The following MINK1 variants were observed in gnomAD, a reference collection of about 807,000 sequenced individuals.
The protein encoded by MINK1 is misshapen like kinase 1.
Under a neutral mutation model 178.4 loss-of-function variants are expected in MINK1, and 46 were observed. The observed-to-expected ratio is 0.26, with a 90% CI of 0.20 to 0.33. MINK1 has a LOEUF of 0.33. MINK1 is among the 10% of genes least tolerant of loss of function. The probability of loss-of-function intolerance (pLI) is 1.00; values close to 1 mark genes in which losing one functional copy is unlikely to be tolerated. For missense variants in MINK1, 1,366 were observed against 1,814.9 expected, an observed-to-expected ratio of 0.75 and a Z score of 4.49; for synonymous variants, 797 against 709.7, an observed-to-expected ratio of 1.12 and a Z score of -1.96.
In MINK1 at chr17:4,895,702, A is replaced by G. The variant is rs979164199; in HGVS notation, c.3234A>G (p.Lys1078=). 4.3e-6 allele frequency: 7 copies of G among 1,613,176 alleles called. No homozygotes were observed. In the South Asian group the frequency reaches 5.5e-5, roughly 13 times the overall value. Residue 1078 remains lysine (K), a synonymous_variant, in exon 27 of 32, where the codon AAA becomes AAG. Coordinates refer to ENST00000355280, the MANE Select transcript of MINK1 (RefSeq NM_153827.5). This position sits in a 1 kb window ranked among gnomAD's most constrained non-coding sequence, Gnocchi z 4.3. ...GTATGTCTGTCCGTCCCTCAGGGAAAAGGAACAAACTGCGGGTGTATTACC... is the reference window on the plus strand; with the variant it reads ...GTATGTCTGTCCGTCCCTCAGGGAAGAGGAACAAACTGCGGGTGTATTACC... The part of the protein sequence containing the change: ...GLNLLITISG[K]RNKLRVYYLS...
rs372330493 is a variant in MINK1, at chr17:4,855,752, A to G, written c.57+22112A>G. On this transcript the variant is annotated intron_variant, in intron 1 of 31. Coordinates refer to ENST00000355280, the MANE Select transcript of MINK1 (RefSeq NM_153827.5). ...GCCACTGCACTCCAGCCTGGGCGAC[A>G]GAGCAAGACTCCGTCTCAAAAAAAA... 3.0e-3 allele frequency among the ~76,000 whole-genome samples: 442 copies of G among 147,634 alleles called. 6 individuals carry two copies. Among genetic ancestry groups the G allele is most frequent in the East Asian group, 0.017 (88 of 5,044 alleles).
intron 1 of MINK1, among the ~76,000 whole-genome samples, chr17:4,848,650 G>A (rs57408017): frequency 0.1 from 15,856 of 152,092 alleles, 1,616 homozygotes; most frequent in East Asian, 0.52. Flanking sequence ...GTGAGCCACC[G>A]CGCCTGGCCT....
At chr17:4,871,023 C>A in intron 1 of MINK1, 5 of 328,518 alleles carry the variant, frequency 1.5e-5, no homozygotes, top group South Asian at 1.1e-4. Context: ...CTTCTCATCT[C>A]TTTAGACTTG....
rs1188384769 is a variant in MINK1 at position 4,886,044 on chromosome 17, C to G, written c.695-76C>G. 1 of 1,609,274 alleles carries G rather than the reference C, an allele frequency of 6.2e-7. No individual in the cohort carries two copies. The highest frequency in any genetic ancestry group is 8.5e-7 in the Non-Finnish European group (1 of 1,175,924). On this transcript the variant is annotated intron_variant, in intron 8 of 31. Transcript: ENST00000355280. The surrounding 1 kb of genome is among the most constrained non-coding windows in gnomAD (Gnocchi z 6.1). ...AGTGGCTGTAGGGAGGAGGTGGGTC[C>G]TGGGACCCTGCCGAGGAAGGGTCCT...
chr17:4,895,296 G>T lies in MINK1; in HGVS notation c.3085+54G>T. 6.2e-7 allele frequency: 1 copy of T among 1,608,940 alleles called. No homozygotes were observed. The highest frequency in any genetic ancestry group is 8.5e-7 in the Non-Finnish European group (1 of 1,176,374). On this transcript the variant is annotated intron_variant, in intron 25 of 31. Transcript: ENST00000355280. This position sits in a 1 kb window ranked among gnomAD's most constrained non-coding sequence, Gnocchi z 4.3. Reference sequence around the variant, plus strand: ...GCTCTGGCGTGGCTCTTGTGCTCCTGGTTAGGTGAGGGCCTGGCTGAGCCT... The same window carrying T: ...GCTCTGGCGTGGCTCTTGTGCTCCTTGTTAGGTGAGGGCCTGGCTGAGCCT...
chr17:4,871,277 C>T lies in MINK1; in HGVS notation c.58-7040C>T, dbSNP rs1028826373. On this transcript the variant is annotated intron_variant, in intron 1 of 31. Coordinates refer to ENST00000355280, the MANE Select transcript of MINK1 (RefSeq NM_153827.5). ...GCTATCATAGGTCACTACTGCCTTC[C>T]GCTCCTGGGCTCAAGGGATCCTTCC... 1.3e-4 allele frequency among the ~76,000 whole-genome samples: 19 copies of T among 150,298 alleles called. No homozygotes were observed. The South Asian group carries it at 1.9e-3, about 15-fold the overall frequency.
chr17:4,893,992 G>C lies in MINK1; in HGVS notation c.2569G>C (p.Asp857His), dbSNP rs375818535. 4 of 1,577,408 alleles carry C rather than the reference G, an allele frequency of 2.5e-6. No individual in the cohort carries two copies. The highest frequency in any genetic ancestry group is 2.6e-6 in the Non-Finnish European group (3 of 1,162,332). Residue 857 changes from aspartate (D) to histidine (H), a missense_variant, in exon 22 of 32, where the codon GAT (aspartate) becomes CAT (histidine). Asp to His is a moderately conservative substitution (Grantham distance 81). Coordinates refer to ENST00000355280, the MANE Select transcript of MINK1 (RefSeq NM_153827.5). ...CCCCACCTTCCTCTCTCACAGCAGC[G>C]ATGGGGATACAGACAGCGTCAGCAC... ...GSRDTPGGRS[D>H]GDTDSVSTMV...
chr17:4,854,169 C>T (rs1912650394), intron 1 of MINK1, among the ~76,000 whole-genome samples: 1 of 152,142 alleles, frequency 6.6e-6, no homozygotes, highest in Non-Finnish European at 1.5e-5. Flanking sequence ...CTTGCTGTGG[C>T]CATTTTAGAA....
intron 2 of MINK1, 38 bp downstream of exon 2, chr17:4,878,420 G>A (rs1967388309): frequency 6.6e-7 from 1 of 1,514,166 alleles, no homozygotes; most frequent in Non-Finnish European, 8.9e-7. Context: ...CTCCACATCT[G>A]CAGGGCAGTC....
chr17:4,879,636 A>G (rs886386419), intron 2 of MINK1, among the ~76,000 whole-genome samples: 1 of 152,196 alleles, frequency 6.6e-6, no homozygotes, highest in Non-Finnish European at 1.5e-5. Flanking sequence ...GCTCGTCCCC[A>G]GGAAGCCTTT....
intron 1 of MINK1, among the ~76,000 whole-genome samples, chr17:4,860,034 C>T (rs1329092510): frequency 6.6e-6 from 1 of 151,982 alleles, no homozygotes; most frequent in East Asian, 1.9e-4. Context: ...GAACTACTGG[C>T]CCCATGCGGA....
At chr17:4,893,365 C>T (rs147436680) in intron 20 of MINK1, 69 bp from the exon 21 acceptor site, 60,446 of 1,610,720 alleles carry the variant, frequency 0.038, 1,286 homozygotes, top group Non-Finnish European at 0.042. Flanking sequence ...CTGGGGTGTC[C>T]CGGCACCCTT....
At chr17:4,859,130 G>A (rs1015405794) in intron 1 of MINK1, 8 of 985,332 alleles carry the variant, frequency 8.1e-6, no homozygotes, top group Non-Finnish European at 9.6e-6. Context: ...TGCTGGGCTC[G>A]AAGCACAGGA....
chr17:4,843,051 G>A (rs1057223220), intron 1 of MINK1, among the ~76,000 whole-genome samples: 2 of 152,172 alleles, frequency 1.3e-5, no homozygotes, highest in African/African-American at 4.8e-5. Flanking sequence ...TAGGCTCCTG[G>A]CCTTGGGTAG....
chr17:4,884,261 G>T (rs769602670), intron 4 of MINK1, 102 bp from the exon 5 acceptor site: 5 of 853,600 alleles, frequency 5.9e-6, no homozygotes, highest in Non-Finnish European at 9.6e-6. Context: ...CTAACCCCAA[G>T]GTCTCTTATC....
chr17:4,851,247 C>A (rs980121509), intron 1 of MINK1, among the ~76,000 whole-genome samples: 1 of 152,124 alleles, frequency 6.6e-6, no homozygotes, highest in Non-Finnish European at 1.5e-5. Context: ...GTTTCCACAT[C>A]GGTGAATTCT....
rs1205785889 is a variant in MINK1 at position 4,881,266 on chromosome 17, C to T, written c.306+9C>T. On this transcript the variant is annotated intron_variant, in intron 4 of 31. Coordinates refer to ENST00000355280, the MANE Select transcript of MINK1 (RefSeq NM_153827.5). Reference sequence around the variant, plus strand: ...ACGATGACCAGCTCTGGGTGAGAAACGCCCCCCTGCCCGCCTTCCCTCCCC... The same window carrying T: ...ACGATGACCAGCTCTGGGTGAGAAATGCCCCCCTGCCCGCCTTCCCTCCCC... 13 of 1,536,470 alleles carry T rather than the reference C, an allele frequency of 8.5e-6. No individual in the cohort carries two copies. In the Admixed American group the frequency reaches 9.8e-5, roughly 12 times the overall value.
At chr17:4,868,524 T>C (rs1281135396) in intron 1 of MINK1, among the ~76,000 whole-genome samples, 1 of 152,218 alleles carries the variant, frequency 6.6e-6, no homozygotes, top group African/African-American at 2.4e-5. Context: ...TGTCTTTCTG[T>C]GCCTGGTGTA....
Position 4,892,181 on chromosome 17 carries a change from C to T in MINK1, c.2034C>T (p.Ala678=). 6.2e-7 allele frequency: 1 copy of T among 1,602,054 alleles called. No individual in the cohort carries two copies. The highest frequency in any genetic ancestry group is 8.5e-7 in the Non-Finnish European group (1 of 1,175,254). Residue 678 remains alanine, a synonymous_variant, in exon 17 of 32, where the codon GCC becomes GCT. Transcript: ENST00000355280. ...AGAGGACCTCATCTATCGCCACTGC[C>T]CTTAACACCAGTGGGGCCGGAGGGT... ...VPQRTSSIAT[A]LNTSGAGGSR... is the part of the protein sequence containing the mutation.
Sources: gnomAD v4.1 joint callset for allele counts (sites outside exome capture counted in the v4.1 genomes callset) on GRCh38, gnomAD v4.1.1 for gene constraint, Gnocchi (gnomAD v3.1) non-coding constraint, MANE v1.5 for transcripts, NCBI Gene and HGNC (gene_info 2026-07-23, HGNC 2026-07-21) for gene names.